The following HMCN1 variants were observed in gnomAD, a reference collection of about 807,000 sequenced individuals.
The protein encoded by HMCN1 is hemicentin 1.
HMCN1 carries 321 observed loss-of-function variants against 625.9 expected under a neutral mutation model. That is an observed-to-expected ratio of 0.51 (90% CI 0.47 to 0.56). The LOEUF is 0.56. Ranked by LOEUF, HMCN1 falls within the 20% of genes least tolerant of loss-of-function variation. The pLI, the probability that HMCN1 is intolerant of heterozygous loss-of-function variation, is 0.00. For synonymous variants in HMCN1, 2,425 were observed against 2,417.6 expected, an observed-to-expected ratio of 1.00 and a Z score of -0.09; for missense variants, 6,588 against 6,887.3, an observed-to-expected ratio of 0.96 and a Z score of 1.54.
Position 185,984,330 on chromosome 1 carries a change from A to G in HMCN1, c.2935+17A>G, listed in dbSNP as rs1651868817. The G allele has an allele frequency of 5.6e-6, 9 of 1,613,056 alleles. No homozygotes were observed. The highest frequency in any genetic ancestry group is 3.3e-5 in the South Asian group (3 of 91,068). ...TTGTGCATGGTAAGAGACACACCCA[A>G]TGTTATTGTTTCGAAACTGTGTTCA... is the stretch of plus-strand genomic sequence containing the variant. On this transcript the variant is annotated intron_variant, in intron 19 of 106. Transcript: ENST00000271588.
intron 1 of HMCN1, among the ~76,000 whole-genome samples, chr1:185,800,284 G>T (rs1254778464): frequency 1.3e-5 from 2 of 152,056 alleles, no homozygotes; most frequent in East Asian, 3.9e-4. Context: ...TCACTTCTCT[G>T]TTGGATTCCA....
intron 1 of HMCN1, among the ~76,000 whole-genome samples, chr1:185,772,740 G>A (rs1041295576): frequency 6.6e-6 from 1 of 152,012 alleles, no homozygotes; most frequent in African/African-American, 2.4e-5. Flanking sequence ...CCACAGACTG[G>A]GTAATTTATA....
intron 36 of HMCN1, among the ~76,000 whole-genome samples, chr1:186,030,287 G>A (rs557634204): frequency 1.1e-4 from 17 of 152,090 alleles, no homozygotes; most frequent in African/African-American, 3.4e-4. Context: ...GTGGGATATC[G>A]AAGTCTCTTA....
intron 26 of HMCN1, 24 bp from the exon 27 acceptor site, chr1:186,001,274 G>C (rs1653178263): frequency 6.3e-7 from 1 of 1,598,410 alleles, no homozygotes; most frequent in Admixed American, 1.7e-5. Flanking sequence ...AAACTAGCTA[G>C]CTATGACTCC....
intron 1 of HMCN1, among the ~76,000 whole-genome samples, chr1:185,788,126 A>G: frequency 6.6e-6 from 1 of 152,210 alleles, no homozygotes; most frequent in Admixed American, 6.5e-5. Flanking sequence ...TTTGAAATGT[A>G]TGCTATTATC....
chr1:185,844,277 T>C (rs982051197), intron 1 of HMCN1, among the ~76,000 whole-genome samples: 4 of 152,212 alleles, frequency 2.6e-5, no homozygotes, highest in African/African-American at 9.6e-5. Flanking sequence ...TTGTATGGAA[T>C]GCAGATGTTT....
chr1:186,061,179 C>T (rs181631259), intron 46 of HMCN1, among the ~76,000 whole-genome samples: 5 of 152,132 alleles, frequency 3.3e-5, no homozygotes, highest in African/African-American at 7.2e-5. Context: ...AAGAAATACT[C>T]GAGATTGGGT....
At chr1:185,754,163 C>G (rs1654990982) in intron 1 of HMCN1, among the ~76,000 whole-genome samples, 1 of 152,066 alleles carries the variant, frequency 6.6e-6, no homozygotes, top group African/African-American at 2.4e-5. Flanking sequence ...AAATAAGGCA[C>G]AGAAAGACAA....
At chr1:186,149,956 T>G (rs180817364) in intron 93 of HMCN1, among the ~76,000 whole-genome samples, 22 of 152,176 alleles carry the variant, frequency 1.4e-4, no homozygotes, top group Non-Finnish European at 2.6e-4. Flanking sequence ...ATTACAATAG[T>G]AACATCCAAG....
intron 1 of HMCN1, among the ~76,000 whole-genome samples, chr1:185,794,907 T>G (rs1658264122): frequency 1.3e-5 from 2 of 152,218 alleles, no homozygotes; most frequent in Admixed American, 6.5e-5. Flanking sequence ...ATATTCTCTG[T>G]ATATTTGGGG....
At position 186,144,198 on chromosome 1, in the gene HMCN1, G is replaced by C. The variant is rs74136049; in HGVS notation, c.13950G>C (p.Gln4650His). The C allele has an allele frequency of 9.7e-4, 1,568 of 1,610,000 alleles. 11 individuals carry two copies. In the African/African-American group the frequency reaches 0.014, roughly 15 times the overall value. ...CPVHGAWSAW[Q>H]PWGTCSESCG... ...TTCATGGAGCATGGAGCGCTTGGCAGCCTTGGGGAACATGCAGCGAAAGTT... is the reference window on the plus strand; with the variant it reads ...TTCATGGAGCATGGAGCGCTTGGCACCCTTGGGGAACATGCAGCGAAAGTT... Residue 4650 changes from glutamine (Q) to histidine (H), a missense_variant, in exon 90 of 107, where the codon CAG becomes CAC. Gln to His is a conservative substitution (Grantham distance 24, BLOSUM62 0). This residue lies in a region of HMCN1 where 1,954 missense variants were observed against 2,013.1 expected (regional missense o/e 0.97). Transcript: ENST00000271588.
chr1:186,078,070 G>A (rs747144789), intron 54 of HMCN1, 37 bp from the exon 55 acceptor site: 1 of 1,454,516 alleles, frequency 6.9e-7, no homozygotes, highest in South Asian at 1.2e-5. Context: ...TTCACTCTAA[G>A]ATTAGAGGAG....
At chr1:186,088,397 C>G in intron 62 of HMCN1, 121 bp downstream of exon 62, 1 of 1,478,272 alleles carries the variant, frequency 6.8e-7, no homozygotes, top group Non-Finnish European at 9.3e-7. Context: ...TTCAAGAAGG[C>G]TAACGCACTG....
chr1:186,130,846 G>A lies in HMCN1; in HGVS notation c.13230+149G>A. On this transcript the variant is annotated intron_variant, in intron 85 of 106. Coordinates refer to ENST00000271588, the MANE Select transcript of HMCN1 (RefSeq NM_031935.3). ...AACTCCTTTTAAAAAACTGAAACAA[G>A]GATTGAAATAGATATTTTAGCCCTT... The A allele has an allele frequency of 1.1e-5, 9 of 805,592 alleles. No homozygotes were observed. The South Asian group carries it at 1.3e-4, about 12-fold the overall frequency. 49.9% of individuals were successfully genotyped at this position (805,592 alleles called of 1,614,324 possible).
chr1:185,837,930 T>C (rs1386530217), intron 1 of HMCN1, among the ~76,000 whole-genome samples: 1 of 152,190 alleles, frequency 6.6e-6, no homozygotes, highest in African/African-American at 2.4e-5. Context: ...ATTTTAAAAC[T>C]AGCATTGCAC....
At chr1:185,823,281 T>C (rs1219016023) in intron 1 of HMCN1, among the ~76,000 whole-genome samples, 1 of 152,140 alleles carries the variant, frequency 6.6e-6, no homozygotes, top group Non-Finnish European at 1.5e-5. Flanking sequence ...TGGAAAAAGA[T>C]AGTTCTTTTT....
intron 86 of HMCN1, among the ~76,000 whole-genome samples, chr1:186,135,881 T>G (rs1186541571): frequency 2.0e-5 from 3 of 152,220 alleles, no homozygotes; most frequent in Non-Finnish European, 1.5e-5. Context: ...AAGTCTGTCT[T>G]ATCAGTGGAC....
At chr1:186,084,115 G>A (rs957495256) in intron 57 of HMCN1, among the ~76,000 whole-genome samples, 15 of 152,040 alleles carry the variant, frequency 9.9e-5, no homozygotes, top group Non-Finnish European at 1.3e-4. Flanking sequence ...AATTGTAGCA[G>A]TTCCATATGT....
intron 11 of HMCN1, among the ~76,000 whole-genome samples, chr1:185,938,662 T>C (rs1023420454): frequency 2.3e-4 from 35 of 152,286 alleles, no homozygotes; most frequent in Middle Eastern, 3.4e-3. Flanking sequence ...GGCAGCATCA[T>C]TGAATTTAGA....
Sources: gnomAD v4.1 joint callset for allele counts (sites outside exome capture counted in the v4.1 genomes callset) on GRCh38, gnomAD v4.1.1 for gene constraint, gnomAD v4.1.1 regional missense constraint, MANE v1.5 for transcripts, NCBI Gene and HGNC (gene_info 2026-07-23, HGNC 2026-07-21) for gene names.